The following PHACTR1 variants were observed in gnomAD, a reference collection of about 807,000 sequenced individuals.
PHACTR1 encodes the protein phosphatase and actin regulator 1.
In PHACTR1, 16 loss-of-function variants were observed where a neutral mutation model predicts 69.2. That is an observed-to-expected ratio of 0.23 (90% CI 0.16 to 0.35). The LOEUF is 0.35. Ranked by LOEUF, PHACTR1 falls within the 10% of genes least tolerant of loss-of-function variation. PHACTR1 has a pLI of 1.00. For synonymous variants in PHACTR1, 312 were observed against 284.5 expected, an observed-to-expected ratio of 1.10 and a Z score of -0.97; for missense variants, 510 against 734.7, an observed-to-expected ratio of 0.69 and a Z score of 3.54.
intron 4 of PHACTR1, among the ~76,000 whole-genome samples, chr6:12,916,254 G>A (rs1562008349): frequency 6.6e-6 from 1 of 152,114 alleles, no homozygotes; most frequent in African/African-American, 2.4e-5. Context: ...TCATCTTTCA[G>A]TTCCCATCAG....
At chr6:12,789,039 C>A (rs891492582) in intron 4 of PHACTR1, among the ~76,000 whole-genome samples, 40 of 152,170 alleles carry the variant, frequency 2.6e-4, no homozygotes, top group Admixed American at 2.0e-3. Context: ...GATGATATAA[C>A]CACCATTTCT....
intron 4 of PHACTR1, among the ~76,000 whole-genome samples, chr6:12,832,178 T>A (rs2127729788): frequency 6.6e-6 from 1 of 152,222 alleles, no homozygotes; most frequent in South Asian, 2.1e-4. Context: ...CTCATCTCTA[T>A]CAGAACTATG....
intron 10 of PHACTR1, among the ~76,000 whole-genome samples, chr6:13,244,114 T>G (rs916410121): frequency 2.6e-5 from 4 of 152,152 alleles, no homozygotes; most frequent in Admixed American, 2.6e-4. Context: ...GAGAGAAATT[T>G]TAAAGCTGGG....
At chr6:13,131,367 G>A (rs1416401113) in intron 5 of PHACTR1, among the ~76,000 whole-genome samples, 1 of 151,784 alleles carries the variant, frequency 6.6e-6, no homozygotes, top group East Asian at 1.9e-4. Context: ...AATATTGTAT[G>A]TTCTTATTTA....
intron 5 of PHACTR1, among the ~76,000 whole-genome samples, chr6:13,077,949 G>A (rs1371006848): frequency 6.6e-6 from 1 of 152,098 alleles, no homozygotes; most frequent in Non-Finnish European, 1.5e-5. Context: ...GATAAGAGTT[G>A]AATTAAGATG....
At position 12,863,793 on chromosome 6, in the gene PHACTR1, A is replaced by T. The variant is rs141165584; in HGVS notation, c.250+114003A>T. ...TGTTGCCCAGCATTTCAAGTAATAAAACATCTTTGAAAATAAAATAAAAAG... is the reference window on the plus strand; with the variant it reads ...TGTTGCCCAGCATTTCAAGTAATAATACATCTTTGAAAATAAAATAAAAAG... On this transcript the variant is annotated intron_variant, in intron 4 of 14. Transcript: ENST00000332995. Among the ~76,000 whole-genome samples the T allele has an allele frequency of 4.7e-4, 72 of 152,360 alleles. No individual in the cohort carries two copies. In the East Asian group the frequency reaches 0.013, roughly 27 times the overall value.
chr6:13,082,806 G>C (rs1453558379), intron 5 of PHACTR1, among the ~76,000 whole-genome samples: 1 of 151,948 alleles, frequency 6.6e-6, no homozygotes, highest in Non-Finnish European at 1.5e-5. Context: ...TTTTTTTCTT[G>C]TAAATTTCTT....
intron 4 of PHACTR1, among the ~76,000 whole-genome samples, chr6:12,971,792 T>A (rs1794243575): frequency 6.6e-6 from 1 of 152,220 alleles, no homozygotes; most frequent in South Asian, 2.1e-4. Flanking sequence ...ATATGTAAAT[T>A]ATGTCTTAAT....
rs192872607 is a variant in PHACTR1, at chr6:13,040,266, A to G, written c.251-13099A>G. ...AGAGCAGGACCCTTGACATCAGCCT[A>G]TTTCTCTATTTCTCTATTTCTTGTG... On this transcript the variant is annotated intron_variant, in intron 4 of 14. Coordinates refer to ENST00000332995, the MANE Select transcript of PHACTR1 (RefSeq NM_030948.6). 2.8e-3 allele frequency among the ~76,000 whole-genome samples: 430 copies of G among 152,062 alleles called. 2 individuals carry two copies. Among genetic ancestry groups the G allele is most frequent in the African/African-American group, 9.8e-3 (406 of 41,434 alleles).
At chr6:13,079,234 C>T (rs1017831553) in intron 5 of PHACTR1, among the ~76,000 whole-genome samples, 6 of 152,128 alleles carry the variant, frequency 3.9e-5, no homozygotes, top group South Asian at 2.1e-4. Flanking sequence ...TGCTTACATG[C>T]GATGGCTGGA....
intron 7 of PHACTR1, among the ~76,000 whole-genome samples, chr6:13,204,008 A>G (rs942924147): frequency 6.6e-6 from 1 of 152,160 alleles, no homozygotes; most frequent in Non-Finnish European, 1.5e-5. Context: ...TGGGCCACCA[A>G]ATAAGTAGAA....
At chr6:12,988,236 A>G (rs1796421077) in intron 4 of PHACTR1, among the ~76,000 whole-genome samples, 1 of 152,268 alleles carries the variant, frequency 6.6e-6, no homozygotes, top group South Asian at 2.1e-4. Context: ...GCTTTTTAAA[A>G]GATGGAAGAA....
chr6:12,976,099 C>A (rs1691930479), intron 4 of PHACTR1, among the ~76,000 whole-genome samples: 1 of 152,106 alleles, frequency 6.6e-6, no homozygotes, highest in Non-Finnish European at 1.5e-5. Context: ...GCTTAGCAAT[C>A]AATCACTGGG....
chr6:12,758,439 C>T (rs72835661), intron 4 of PHACTR1, among the ~76,000 whole-genome samples: 16,758 of 144,590 alleles, frequency 0.12, 1,351 homozygotes, highest in East Asian at 0.36. Context: ...GCCCTCCAGC[C>T]TGGGTGAAAG....
chr6:12,957,718 C>T (rs1046302959), intron 4 of PHACTR1: 15 of 985,282 alleles, frequency 1.5e-5, no homozygotes, highest in African/African-American at 1.7e-5. Flanking sequence ...TAAAATGGAC[C>T]CTTCATGCCA....
chr6:12,852,974 T>C (rs1451183957), intron 4 of PHACTR1, among the ~76,000 whole-genome samples: 1 of 152,034 alleles, frequency 6.6e-6, no homozygotes, highest in East Asian at 1.9e-4. Flanking sequence ...ATGCATCCTA[T>C]GTGAAGAAAT....
At chr6:12,764,669 A>G (rs1170464677) in intron 4 of PHACTR1, among the ~76,000 whole-genome samples, 1 of 152,102 alleles carries the variant, frequency 6.6e-6, no homozygotes, top group Non-Finnish European at 1.5e-5. Flanking sequence ...AAAATTCCTT[A>G]TGGTGGTGAA....
chr6:13,154,549 T>C (rs1344101075), intron 5 of PHACTR1, among the ~76,000 whole-genome samples: 2 of 152,316 alleles, frequency 1.3e-5, no homozygotes, highest in South Asian at 2.1e-4. Context: ...TCTGACTTTA[T>C]TTTTTTATAT....
At chr6:13,092,990 A>G (rs1183855974) in intron 5 of PHACTR1, among the ~76,000 whole-genome samples, 1 of 152,208 alleles carries the variant, frequency 6.6e-6, no homozygotes, top group Non-Finnish European at 1.5e-5. Context: ...GATGATCTTT[A>G]CAACAGACCC....
Sources: allele counts gnomAD v4.1 joint callset (sites outside exome capture counted in the v4.1 genomes callset), GRCh38; gene constraint gnomAD v4.1.1; transcripts MANE v1.5; gene names NCBI Gene and HGNC (gene_info 2026-07-23, HGNC 2026-07-21).